Variants in ILDR2 observed in about 807,000 individuals in gnomAD.
ILDR2 encodes immunoglobulin-like domain-containing receptor 2.
A neutral mutation model predicts 66.8 loss-of-function variants in ILDR2; 25 were observed. The observed-to-expected ratio is 0.37, with a 90% CI of 0.27 to 0.52. The LOEUF is 0.52. Ranked by LOEUF, ILDR2 falls within the 20% of genes least tolerant of loss-of-function variation. The probability of loss-of-function intolerance (pLI) is 0.88; values close to 1 mark genes in which losing one functional copy is unlikely to be tolerated. For synonymous variants in ILDR2, 367 were observed against 357.2 expected, an observed-to-expected ratio of 1.03 and a Z score of -0.31; for missense variants, 827 against 876.8, an observed-to-expected ratio of 0.94 and a Z score of 0.72.
chr1:166,924,949 G>A (rs6427046), intron 7 of ILDR2, among the ~76,000 whole-genome samples: 63,391 of 151,894 alleles, frequency 0.42, 13,507 homozygotes, highest in East Asian at 0.68. Flanking sequence ...CCAGGAAGTC[G>A]AGGCTGCAGT....
chr1:166,915,716 A>T lies in ILDR2; in HGVS notation c.*3639T>A, dbSNP rs1659616233. 3 of 152,346 alleles carry T rather than the reference A, an allele frequency of 2.0e-5. No individual in the cohort carries two copies. The South Asian group carries it at 6.2e-4, about 32-fold the overall frequency. 9.4% of individuals were successfully genotyped at this position (152,346 alleles called of 1,614,324 possible). On this transcript the variant is annotated 3_prime_UTR_variant, in exon 10 of 10. Coordinates refer to ENST00000271417, the MANE Select transcript of ILDR2 (RefSeq NM_199351.3). The stretch of plus-strand genomic sequence containing the variant: ...TCAGCTTCTCTCAAAGGCAAGATCT[A>T]ATCAGACTACCTATGTGAAATTTTG...
Position 166,927,105 on chromosome 1 carries a change from A to G in ILDR2, c.956T>C (p.Leu319Pro). Residue 319 changes from leucine to proline, a missense_variant, in exon 7 of 10, where the codon CTG becomes CCG. Around this residue, in one of 2 missense-constraint regions of ILDR2, gnomAD observed 437 missense variants for 523.2 expected, o/e 0.84. Transcript: ENST00000271417. Reference sequence around the variant, plus strand: ...CCTTCTGGCTGGATCAAACTGAGCCAGCTCCTTCTCAACATAGTACAGGAC... The same window carrying G: ...CCTTCTGGCTGGATCAAACTGAGCCGGCTCCTTCTCAACATAGTACAGGAC... ...MKVLYYVEKE[L>P]AQFDPARRMR... is the part of the protein sequence containing the mutation. 2 of 1,613,508 alleles carry G rather than the reference A, an allele frequency of 1.2e-6. No individual in the cohort carries two copies. Among genetic ancestry groups the G allele is most frequent in the Non-Finnish European group, 1.7e-6 (2 of 1,179,726 alleles).
chr1:166,950,363 A>C (rs1388140677), intron 3 of ILDR2, among the ~76,000 whole-genome samples: 1 of 152,138 alleles, frequency 6.6e-6, no homozygotes, highest in African/African-American at 2.4e-5. Context: ...TTAATCGTCA[A>C]ATCTCCTTGG....
intron 1 of ILDR2, among the ~76,000 whole-genome samples, chr1:166,972,167 G>C (rs776739163): frequency 6.6e-6 from 1 of 151,874 alleles, no homozygotes. Flanking sequence ...AGCCGAGATG[G>C]TGCCAATGCA....
intron 1 of ILDR2, among the ~76,000 whole-genome samples, chr1:166,963,878 G>A (rs912313816): frequency 2.0e-5 from 3 of 152,136 alleles, no homozygotes; most frequent in South Asian, 2.1e-4. Flanking sequence ...ACAAGCACAC[G>A]CTGGTACAAC....
chr1:166,939,381 TAATCCTGGAAA>T, intron 4 of ILDR2, 122 bp downstream of exon 4: 1 of 728,170 alleles, frequency 1.4e-6, no homozygotes, highest in Admixed American at 2.2e-5. Context: ...TGGGTTTAGT[TAATCCTGGAAA>T]AGATCAGAGA....
At chr1:166,907,880 C>T (rs969577238), downstream of ILDR2, among the ~76,000 whole-genome samples, 2 of 152,090 alleles carry the variant, frequency 1.3e-5, no homozygotes, top group Non-Finnish European at 2.9e-5. Context: ...TAGAGAAGGC[C>T]GCTTTGGTCT....
intron 9 of ILDR2, 143 bp downstream of exon 9, chr1:166,920,564 C>T: frequency 1.1e-6 from 1 of 931,040 alleles, no homozygotes. Flanking sequence ...CGGACGAACT[C>T]GCCCAGGCAG....
intron 1 of ILDR2, among the ~76,000 whole-genome samples, chr1:166,964,244 C>A (rs1247649608): frequency 6.6e-6 from 1 of 152,006 alleles, no homozygotes; most frequent in Admixed American, 6.5e-5. Context: ...ATTCTTAGAC[C>A]ACCAGACTAT....
chr1:166,966,186 CT>C (rs1662936877), intron 1 of ILDR2, among the ~76,000 whole-genome samples: 1 of 152,038 alleles, frequency 6.6e-6, no homozygotes, highest in Admixed American at 6.6e-5. Context: ...TAGACATTGC[CT>C]TGGAATCTGC....
intron 1 of ILDR2, among the ~76,000 whole-genome samples, chr1:166,975,009 G>A (rs1663509129): frequency 7.0e-6 from 1 of 143,740 alleles, no homozygotes; most frequent in Admixed American, 6.9e-5. Flanking sequence ...CTCCCCCGCC[G>A]CCCCCATCAT....
At chr1:166,901,661 T>C (rs1659267689) in intron 2 of ILDR2, among the ~76,000 whole-genome samples, 1 of 152,242 alleles carries the variant, frequency 6.6e-6, no homozygotes, top group African/African-American at 2.4e-5. Flanking sequence ...TCTGTGATCA[T>C]TCTCTCACAG....
chr1:166,970,591 A>G (rs1355737501), intron 1 of ILDR2, among the ~76,000 whole-genome samples: 1 of 152,198 alleles, frequency 6.6e-6, no homozygotes, highest in Non-Finnish European at 1.5e-5. Flanking sequence ...CTCCCAGGTC[A>G]GGGCTCTTTC....
intron 8 of ILDR2, among the ~76,000 whole-genome samples, chr1:166,922,012 C>T (rs1659978297): frequency 6.6e-6 from 1 of 152,154 alleles, no homozygotes; most frequent in African/African-American, 2.4e-5. Flanking sequence ...TAGAAGTTTC[C>T]ATTTTCCCAG....
chr1:166,934,038 A>C (rs1660794193), intron 6 of ILDR2, among the ~76,000 whole-genome samples: 1 of 152,200 alleles, frequency 6.6e-6, no homozygotes, highest in African/African-American at 2.4e-5. Context: ...TGTCTGTTTT[A>C]CCAACTCCAG....
At chr1:166,896,379 G>C (rs1659166659) in intron 2 of ILDR2, among the ~76,000 whole-genome samples, 1 of 152,144 alleles carries the variant, frequency 6.6e-6, no homozygotes, top group African/African-American at 2.4e-5. Context: ...GTCAGCATGT[G>C]AAGGAGTTGG....
chr1:166,947,200 T>A (rs1029807510), intron 3 of ILDR2, among the ~76,000 whole-genome samples: 2 of 152,108 alleles, frequency 1.3e-5, no homozygotes, highest in African/African-American at 4.8e-5. Flanking sequence ...TGGAGGAGCG[T>A]GGGATGTCAT....
At chr1:166,954,074 C>T (rs575454990) in intron 3 of ILDR2, among the ~76,000 whole-genome samples, 109 of 152,274 alleles carry the variant, frequency 7.2e-4, no homozygotes, top group African/African-American at 2.2e-3. Context: ...ACTTCTCATG[C>T]TCACTGTTCC....
intron 3 of ILDR2, among the ~76,000 whole-genome samples, chr1:166,952,099 T>G (rs146562666): frequency 6.6e-6 from 1 of 152,226 alleles, no homozygotes; most frequent in East Asian, 1.9e-4. Flanking sequence ...CAAGGAGAGC[T>G]GCTTTTAGAT....
Sources: allele counts gnomAD v4.1 joint callset (sites outside exome capture counted in the v4.1 genomes callset), GRCh38; gene constraint gnomAD v4.1.1; regional missense constraint gnomAD v4.1.1; transcripts MANE v1.5; gene names NCBI Gene and HGNC (gene_info 2026-07-23, HGNC 2026-07-21).